SLC35D1: variants seen among roughly 807,000 people sequenced by gnomAD.
The protein encoded by SLC35D1 is solute carrier family 35 member D1.
SLC35D1 carries 31 observed loss-of-function variants against 46.7 expected under a neutral mutation model. The ratio of observed to expected loss-of-function variants is 0.66; its 90% CI spans 0.50 to 0.90. The LOEUF (loss-of-function observed/expected upper bound fraction) is 0.90, where lower values mean the gene tolerates loss of function less well. Among genes scored for constraint, SLC35D1 ranks in the 40% least tolerant of loss-of-function variants. SLC35D1 has a pLI of 0.00. For synonymous variants in SLC35D1, 195 were observed against 164.6 expected, an observed-to-expected ratio of 1.18 and a Z score of -1.41; for missense variants, 397 against 426.2, an observed-to-expected ratio of 0.93 and a Z score of 0.60.
At chr1:67,027,219 T>C (rs771444037) in intron 8 of SLC35D1, among the ~76,000 whole-genome samples, 4 of 152,194 alleles carry the variant, frequency 2.6e-5, no homozygotes, top group African/African-American at 9.6e-5. Context: ...AAAATATACC[T>C]GCTCTGTAAT....
At chr1:66,995,289 C>T (rs539279476), downstream of SLC35D1, among the ~76,000 whole-genome samples, 1 of 151,868 alleles carries the variant, frequency 6.6e-6, no homozygotes, top group Non-Finnish European at 1.5e-5. Context: ...CCCCAAGCCC[C>T]ACCATTCACT....
At chr1:67,014,674 T>TTG (rs1172492135) in intron 10 of SLC35D1, among the ~76,000 whole-genome samples, 1 of 143,708 alleles carries the variant, frequency 7.0e-6, no homozygotes, top group East Asian at 2.0e-4. Flanking sequence ...TTTTTAGTTT[T>TTG]TTTTTTTTTT....
chr1:67,035,395 T>G (rs1668103116), intron 8 of SLC35D1, among the ~76,000 whole-genome samples: 1 of 152,204 alleles, frequency 6.6e-6, no homozygotes, highest in Non-Finnish European at 1.5e-5. Flanking sequence ...TGTTCAGGTT[T>G]TGGATTTCTA....
chr1:67,045,674 A>G (rs965622219), intron 7 of SLC35D1, among the ~76,000 whole-genome samples: 1 of 152,250 alleles, frequency 6.6e-6, no homozygotes, highest in African/African-American at 2.4e-5. Context: ...ATTCTAGGAT[A>G]TACTATAGAT....
At chr1:67,053,209 C>T (rs927923782) in intron 1 of SLC35D1, among the ~76,000 whole-genome samples, 16 of 151,934 alleles carry the variant, frequency 1.1e-4, no homozygotes, top group Non-Finnish European at 2.1e-4. Flanking sequence ...CCATCTTGTC[C>T]GAGTCTACAG....
the SLC35D1 span, among the ~76,000 whole-genome samples, chr1:66,992,897 T>C: frequency 6.6e-6 from 1 of 152,248 alleles, no homozygotes; most frequent in African/African-American, 2.4e-5. Context: ...TGTTAAGTGA[T>C]TGCTATTAAA....
the SLC35D1 span, among the ~76,000 whole-genome samples, chr1:66,980,202 C>T: frequency 2.0e-5 from 3 of 152,182 alleles, no homozygotes; most frequent in Admixed American, 2.0e-4. Flanking sequence ...TTTCTGTGTG[C>T]TTCAAATTTG....
At chr1:67,008,543 T>C in intron 11 of SLC35D1, 1 of 996,796 alleles carries the variant, frequency 1.0e-6, no homozygotes, top group Non-Finnish European at 1.3e-6. Context: ...CCGAACTGCT[T>C]CCAAATCTAT....
At chr1:66,973,162 T>A in the SLC35D1 span, among the ~76,000 whole-genome samples, 1 of 152,116 alleles carries the variant, frequency 6.6e-6, no homozygotes, top group Non-Finnish European at 1.5e-5. Context: ...TCCTAACCTA[T>A]AATTACCTGT....
At chr1:66,994,047 G>A in the SLC35D1 span, among the ~76,000 whole-genome samples, 16 of 119,922 alleles carry the variant, frequency 1.3e-4, no homozygotes, top group Non-Finnish European at 2.4e-4. Context: ...CATTCTTGTA[G>A]ATCAAAATCA....
chr1:67,028,775 C>T (rs2815360), intron 8 of SLC35D1, among the ~76,000 whole-genome samples: 88,211 of 151,938 alleles, frequency 0.58, 27,781 homozygotes, highest in East Asian at 0.84. Context: ...TTCCTCTATA[C>T]GCTTCATCTT....
the SLC35D1 span, chr1:66,986,290 ATTTTAT>A: frequency 6.8e-7 from 1 of 1,469,042 alleles, no homozygotes; most frequent in Non-Finnish European, 8.9e-7. Flanking sequence ...TAAAAGTGCC[ATTTTAT>A]TTTTAGTGCT....
At chr1:66,992,050 C>A in the SLC35D1 span, among the ~76,000 whole-genome samples, 1 of 152,202 alleles carries the variant, frequency 6.6e-6, no homozygotes. Context: ...TAGTACAGGT[C>A]TACAATCCCT....
In SLC35D1 at chr1:67,053,809, A is replaced by G. The variant is rs1477733662; in HGVS notation, c.203+2T>C. 10 of 1,603,348 alleles carry G rather than the reference A, an allele frequency of 6.2e-6. No homozygotes were observed. Among genetic ancestry groups the G allele is most frequent in the Non-Finnish European group, 6.8e-6 (8 of 1,175,372 alleles). On this transcript the variant is annotated splice_donor_variant, in intron 1 of 11. Coordinates refer to ENST00000235345, the MANE Select transcript of SLC35D1 (RefSeq NM_015139.3). LOFTEE classifies it high-confidence loss of function. Reference sequence around the variant, plus strand: ...CCTGGGCCGCCGCCGCCTCGGCCCTACCTGTAATTGGTGAGCACGCTCTTA... The same window carrying G: ...CCTGGGCCGCCGCCGCCTCGGCCCTGCCTGTAATTGGTGAGCACGCTCTTA...
At chr1:67,008,372 T>C (rs572742949) in intron 11 of SLC35D1, 309 of 1,268,008 alleles carry the variant, frequency 2.4e-4, no homozygotes, top group Non-Finnish European at 2.9e-4. Flanking sequence ...CTCTTGACCT[T>C]GTGATCTGCC....
chr1:66,990,813 T>C, the SLC35D1 span, among the ~76,000 whole-genome samples: 1 of 152,162 alleles, frequency 6.6e-6, no homozygotes, highest in Non-Finnish European at 1.5e-5. Context: ...ATAGCACTTG[T>C]CCCAGGTGCC....
In SLC35D1 at chr1:67,002,954, A is replaced by G. The variant is rs1038774816; in HGVS notation, c.*1386T>C. ...CACCTCCACCCTCCAGATTACCCCA[A>G]GAGGCAATTTAGGCAGTGCCCATTC... On this transcript the variant is annotated 3_prime_UTR_variant, in exon 12 of 12. Transcript: ENST00000235345. The G allele has an allele frequency of 2.0e-5, 3 of 152,372 alleles. No homozygotes were observed. The highest frequency in any genetic ancestry group is 7.2e-5 in the African/African-American group (3 of 41,460). 9.4% of individuals were successfully genotyped at this position (152,372 alleles called of 1,614,324 possible). A position where few individuals can be genotyped will look rare whatever the true frequency, so the allele number is the denominator to read the frequency against.
rs1250293940 is a variant in SLC35D1, at chr1:67,002,863, A to T, written c.*1477T>A. On this transcript the variant is annotated 3_prime_UTR_variant, in exon 12 of 12. Coordinates refer to ENST00000235345, the MANE Select transcript of SLC35D1 (RefSeq NM_015139.3). ...CACTGGCTGTACAACTGGCCTGAGC[A>T]AACACACTAATCCTCAAAGTCAATG... The T allele has an allele frequency of 1.3e-5, 2 of 152,384 alleles. No individual in the cohort carries two copies. The highest frequency in any genetic ancestry group is 6.5e-5 in the Admixed American group (1 of 15,274). The allele number at this position is 152,384 out of a possible 1,614,324, so 9.4% of individuals were successfully genotyped here.
chr1:66,986,575 A>T, the SLC35D1 span: 1 of 933,192 alleles, frequency 1.1e-6, no homozygotes, highest in Admixed American at 1.9e-5. Context: ...ATGAAGTATT[A>T]CTGTTAACAT....
Sources: gnomAD v4.1 joint callset for allele counts (sites outside exome capture counted in the v4.1 genomes callset) on GRCh38, gnomAD v4.1.1 for gene constraint, MANE v1.5 for transcripts, NCBI Gene and HGNC (gene_info 2026-07-23, HGNC 2026-07-21) for gene names.